The following SLC44A2 variants were observed in gnomAD, a reference collection of about 807,000 sequenced individuals.
SLC44A2 encodes the protein solute carrier family 44 member 2 (CTL2 blood group).
Under a neutral mutation model 90.8 loss-of-function variants are expected in SLC44A2, and 57 were observed. The ratio of observed to expected loss-of-function variants is 0.63; its 90% CI spans 0.51 to 0.78. SLC44A2 has a LOEUF of 0.78. Among genes scored for constraint, SLC44A2 ranks in the 30% least tolerant of loss-of-function variants. The pLI is 0.00. For missense variants in SLC44A2, 794 were observed against 919.7 expected, an observed-to-expected ratio of 0.86 and a Z score of 1.77; for synonymous variants, 355 against 360.7, an observed-to-expected ratio of 0.98 and a Z score of 0.18.
chr19:10,640,146 G>A (rs1407366666), intron 20 of SLC44A2, among the ~76,000 whole-genome samples: 5 of 135,550 alleles, frequency 3.7e-5, no homozygotes, highest in East Asian at 2.3e-4. Context: ...GCTGGAGTGC[G>A]ATGGAGTGAT....
intron 1 of SLC44A2, among the ~76,000 whole-genome samples, 164 bp from the exon 2 acceptor site, chr19:10,626,089 G>C (rs1361723274): frequency 1.3e-5 from 2 of 152,186 alleles, no homozygotes; most frequent in Non-Finnish European, 2.9e-5. Flanking sequence ...TGGGGGCTTG[G>C]GTGTGGTCAC....
rs2067038899 is a variant in SLC44A2, at chr19:10,635,052, C to T, written c.1034C>T (p.Ala345Val). ...CGGAAGAGAATTCTCATCGCGATTG[C>T]ACTCATCAAAGAAGCCAGCAGGTGG... Reference protein sequence around the residue: ...FLRKRILIAIALIKEASRAVG... With the variant: ...FLRKRILIAIVLIKEASRAVG... The change falls in exon 12 of 22, where the codon GCA becomes GTA. Residue 345 changes from alanine to valine, a missense_variant. By Grantham distance (64) the Ala-to-Val change is moderately conservative. Transcript: ENST00000335757. The T allele has an allele frequency of 1.2e-6, 2 of 1,614,024 alleles. No homozygotes were observed. Among genetic ancestry groups the T allele is most frequent in the African/African-American group, 1.3e-5 (1 of 74,902 alleles).
At chr19:10,610,304 G>T (rs781662287) in intron 1 of SLC44A2, among the ~76,000 whole-genome samples, 2 of 150,354 alleles carry the variant, frequency 1.3e-5, no homozygotes, top group Non-Finnish European at 3.0e-5. Flanking sequence ...CCCTGGTAGA[G>T]AATTCTCCCT....
intron 1 of SLC44A2, among the ~76,000 whole-genome samples, chr19:10,610,381 G>A (rs1399276336): frequency 6.8e-6 from 1 of 146,954 alleles, no homozygotes; most frequent in African/African-American, 2.5e-5. Context: ...ACCCAGGCTG[G>A]AGTGCAGTGA....
At chr19:10,630,674 G>T (rs1315480760) in intron 4 of SLC44A2, among the ~76,000 whole-genome samples, 1 of 112,940 alleles carries the variant, frequency 8.9e-6, no homozygotes, top group African/African-American at 3.4e-5. Flanking sequence ...AAAAAAAAAA[G>T]AGAAAAATAA....
In SLC44A2 at chr19:10,603,282, C is replaced by T. The variant is rs1003140529; in HGVS notation, c.31+721C>T. Among the ~76,000 whole-genome samples, 11 of 152,286 alleles carry T rather than the reference C, an allele frequency of 7.2e-5. No homozygotes were observed. In the East Asian group the frequency reaches 2.1e-3, roughly 29 times the overall value. ...AGGATGTGGGCTTCTCCATCACCAG[C>T]GCCCTGTGGTGCCGCCCTCCCCTGA... On this transcript the variant is annotated intron_variant, in intron 1 of 21. Transcript: ENST00000407327.
At chr19:10,643,179 C>T in intron 21 of SLC44A2, 100 bp from the exon 22 acceptor site, 4 of 1,487,710 alleles carry the variant, frequency 2.7e-6, no homozygotes, top group Non-Finnish European at 3.6e-6. Context: ...CTTTCTAACC[C>T]TCTGAGGCTT....
rs1568455264 is a variant in SLC44A2 at position 10,638,334 on chromosome 19, A to T, written c.1929+19A>T. 1 of 1,608,128 alleles carries T rather than the reference A, an allele frequency of 6.2e-7. No homozygotes were observed. Among genetic ancestry groups the T allele is most frequent in the Admixed American group, 1.7e-5 (1 of 59,918 alleles). ...TATACTGGTATGGACCTCTGGGGAG[A>T]GATGGGGGTTTGGGAAGAAAGAGGT... On this transcript the variant is annotated intron_variant, in intron 20 of 21. Coordinates refer to ENST00000335757, the MANE Select transcript of SLC44A2 (RefSeq NM_020428.4).
At chr19:10,616,388 G>A (rs1392234381) in intron 1 of SLC44A2, among the ~76,000 whole-genome samples, 1 of 151,824 alleles carries the variant, frequency 6.6e-6, no homozygotes, top group Non-Finnish European at 1.5e-5. Context: ...ATGTCACCAC[G>A]CCCAGTTAAT....
At chr19:10,622,795 A>T (rs1396095395), upstream of SLC44A2, among the ~76,000 whole-genome samples, 2 of 151,926 alleles carry the variant, frequency 1.3e-5, no homozygotes, top group Non-Finnish European at 2.9e-5. Context: ...CCAGCTACTC[A>T]GGAGGCTGAG....
intron 1 of SLC44A2, among the ~76,000 whole-genome samples, chr19:10,603,493 G>T (rs1918019004): frequency 6.6e-6 from 1 of 152,196 alleles, no homozygotes; most frequent in African/African-American, 2.4e-5. Context: ...CCTGGGGAGG[G>T]GGCCGGAAAC....
chr19:10,635,673 C>G (rs192007860), intron 14 of SLC44A2, 158 bp downstream of exon 14: 2 of 639,532 alleles, frequency 3.1e-6, no homozygotes, highest in Non-Finnish European at 5.2e-6. Flanking sequence ...AAGAGACTCT[C>G]TAACTGGATC....
rs1212088552 is a variant in SLC44A2, at chr19:10,631,705, G to C, written c.582G>C (p.Gly194=). Residue 194 remains glycine (G), a synonymous_variant, in exon 8 of 22, where the codon GGG becomes GGC. Coordinates refer to ENST00000335757, the MANE Select transcript of SLC44A2 (RefSeq NM_020428.4). ...MVGNETTYED[G]HGSRKNITDL... is the part of the protein sequence containing the mutation. ...GCAATGAGACGACCTATGAGGATGG[G>C]CATGGCTCCCGGAAAAACATCACAG... is the stretch of plus-strand genomic sequence containing the variant. The C allele has an allele frequency of 1.2e-6, 2 of 1,612,954 alleles. No homozygotes were observed. The highest frequency in any genetic ancestry group is 1.7e-5 in the Admixed American group (1 of 60,030).
chr19:10,611,176 G>A (rs951117193), intron 1 of SLC44A2, among the ~76,000 whole-genome samples: 10 of 151,972 alleles, frequency 6.6e-5, no homozygotes, highest in Non-Finnish European at 1.0e-4. Context: ...TTTAGGCTGC[G>A]TGCAGTGCCT....
chr19:10,605,255 C>G (rs939396261), intron 1 of SLC44A2, among the ~76,000 whole-genome samples: 7 of 152,142 alleles, frequency 4.6e-5, no homozygotes, highest in Non-Finnish European at 1.0e-4. Context: ...GTGGTTCATG[C>G]CTGTAATCCC....
chr19:10,615,688 T>C (rs1193312778), intron 1 of SLC44A2, among the ~76,000 whole-genome samples: 1 of 152,094 alleles, frequency 6.6e-6, no homozygotes, highest in Non-Finnish European at 1.5e-5. Context: ...AAATTGTGTT[T>C]AAGGGGAACC....
In SLC44A2 at chr19:10,643,993, G is replaced by A. The variant is rs1434438784; in HGVS notation, c.*608G>A. The A allele has an allele frequency of 6.5e-6, 1 of 152,720 alleles. No individual in the cohort carries two copies. Among genetic ancestry groups the A allele is most frequent in the Non-Finnish European group, 1.5e-5 (1 of 68,120 alleles). 9.5% of individuals were successfully genotyped at this position (152,720 alleles called of 1,614,324 possible). On this transcript the variant is annotated 3_prime_UTR_variant, in exon 22 of 22. Transcript: ENST00000335757. Reference sequence around the variant, plus strand: ...TCCCTCCTAGCTGGGAGTGACGGGTGGGAGTGTGTGTGCCCAGGTGGGGGT... The same window carrying A: ...TCCCTCCTAGCTGGGAGTGACGGGTAGGAGTGTGTGTGCCCAGGTGGGGGT...
intron 1 of SLC44A2, 112 bp downstream of exon 1, chr19:10,625,782 A>G (rs1485289098): frequency 4.2e-5 from 40 of 949,894 alleles, no homozygotes; most frequent in Non-Finnish European, 5.5e-5. Flanking sequence ...CGCAATTGCA[A>G]ATCTGCGCCT....
At chr19:10,621,146 C>T (rs934156692), upstream of SLC44A2, among the ~76,000 whole-genome samples, 2 of 151,786 alleles carry the variant, frequency 1.3e-5, no homozygotes, top group African/African-American at 2.4e-5. Flanking sequence ...GTCAGGAGTT[C>T]GAGACCAGTA....
Sources: gnomAD v4.1 joint callset for allele counts (sites outside exome capture counted in the v4.1 genomes callset) on GRCh38, gnomAD v4.1.1 for gene constraint, MANE v1.5 for transcripts, NCBI Gene and HGNC (gene_info 2026-07-23, HGNC 2026-07-21) for gene names.